The following FMO1 variants were observed in gnomAD, a reference collection of about 807,000 sequenced individuals.
FMO1 encodes flavin-containing monooxygenase 1.
FMO1 carries 36 observed loss-of-function variants against 45.4 expected under a neutral mutation model. The observed-to-expected ratio is 0.79, with a 90% CI of 0.61 to 1.05. The LOEUF is 1.05. FMO1 is among the 50% of genes least tolerant of loss of function. The pLI, the probability that FMO1 is intolerant of heterozygous loss-of-function variation, is 0.00. For missense variants in FMO1, 615 were observed against 640.3 expected, an observed-to-expected ratio of 0.96 and a Z score of 0.43; for synonymous variants, 228 against 227.2, an observed-to-expected ratio of 1.00 and a Z score of -0.03.
chr1:171,267,615 T>A lies in FMO1; in HGVS notation c.205T>A (p.Tyr69Asn). 6.2e-7 allele frequency: 1 copy of A among 1,613,992 alleles called. No homozygotes were observed. The highest frequency in any genetic ancestry group is 1.1e-5 in the South Asian group (1 of 91,072). Residue 69 changes from tyrosine (Y) to asparagine (N), a missense_variant, in exon 3 of 9, where the codon TAC becomes AAC. Tyr to Asn is a moderately radical substitution (Grantham distance 143, BLOSUM62 -2). Coordinates refer to ENST00000617670, the MANE Select transcript of FMO1 (RefSeq NM_001282693.2). ...VSNSCKEMSC[Y>N]SDFPFPEDYP... ...CAACAGCTGCAAGGAGATGTCTTGTTACTCAGACTTTCCATTCCCAGAAGA... is the reference window on the plus strand; with the variant it reads ...CAACAGCTGCAAGGAGATGTCTTGTAACTCAGACTTTCCATTCCCAGAAGA...
intron 3 of FMO1, chr1:171,270,807 T>C (rs1402699354): frequency 5.2e-6 from 4 of 773,590 alleles, no homozygotes; most frequent in Non-Finnish European, 1.9e-6. Flanking sequence ...CGGTAGTGTG[T>C]TAACTTTATA....
chr1:171,279,213 G>T (rs1228755798), intron 5 of FMO1, among the ~76,000 whole-genome samples: 1 of 149,532 alleles, frequency 6.7e-6, no homozygotes, highest in Non-Finnish European at 1.5e-5. Context: ...TCTCCCATTT[G>T]CCCATTCCTC....
At chr1:171,278,941 C>T in intron 5 of FMO1, 70 bp downstream of exon 5, 1 of 1,227,028 alleles carries the variant, frequency 8.1e-7, no homozygotes, top group East Asian at 2.5e-5. Flanking sequence ...TGGTGTTTGA[C>T]ACCATGATAA....
chr1:171,261,399 A>T (rs1403772136), intron 2 of FMO1, among the ~76,000 whole-genome samples: 3 of 152,164 alleles, frequency 2.0e-5, no homozygotes, highest in Non-Finnish European at 4.4e-5. Context: ...AACCTGTAAA[A>T]TCAAAAACCC....
rs1232791987 is a variant in FMO1, at chr1:171,283,182, G to A, written c.1222G>A (p.Glu408Lys). The A allele has an allele frequency of 2.6e-6, 4 of 1,510,210 alleles. No individual in the cohort carries two copies. Among genetic ancestry groups the A allele is most frequent in the African/African-American group, 2.9e-5 (2 of 68,684 alleles). The allele number at this position is 1,510,210 out of a possible 1,614,324, so 93.6% of individuals were successfully genotyped here. A position where few individuals can be genotyped will look rare whatever the true frequency, so the allele number is the denominator to read the frequency against. Residue 408 changes from glutamate to lysine, a missense_variant, in exon 8 of 9, where the codon GAA (glutamate) becomes AAA (lysine). Glu to Lys is a moderately conservative substitution (Grantham distance 56). Transcript: ENST00000617670. ...ACCACCACCAAGTGTCATGATAGAGGAAATTAATGCAAGGAAAGAAAACAA... is the reference window on the plus strand; with the variant it reads ...ACCACCACCAAGTGTCATGATAGAGAAAATTAATGCAAGGAAAGAAAACAA... ...KLPPPSVMIEEINARKENKPS... is the reference protein window; with the variant it reads ...KLPPPSVMIEKINARKENKPS...
At chr1:171,273,891 T>C (rs549162954) in intron 3 of FMO1, among the ~76,000 whole-genome samples, 3 of 152,204 alleles carry the variant, frequency 2.0e-5, no homozygotes, top group African/African-American at 7.2e-5. Context: ...CAAGGCCAGG[T>C]GCAGTGGCCC....
In FMO1 at chr1:171,271,194, C is replaced by T; in HGVS notation, c.321+3463C>T. The T allele has an allele frequency of 3.5e-6, 3 of 861,762 alleles. No homozygotes were observed. In the Admixed American group the frequency reaches 5.5e-5, roughly 16 times the overall value. 53.4% of individuals were successfully genotyped at this position (861,762 alleles called of 1,614,324 possible). A position where few individuals can be genotyped will look rare whatever the true frequency, so the allele number is the denominator to read the frequency against. On this transcript the variant is annotated intron_variant, in intron 3 of 8. Transcript: ENST00000617670. ...TGTCTTCTGCAGCAGTGTTATTCCA[C>T]ATCTCTCCCAGTTTCTTCACGACAT...
In FMO1 at chr1:171,278,742, TA is replaced by T; in HGVS notation, c.501del (p.Gly168AlafsTer22). 1 of 1,606,832 alleles carries T rather than the reference TA, an allele frequency of 6.2e-7. No individual in the cohort carries two copies. On this transcript the variant is annotated frameshift_variant, in exon 5 of 9. Transcript: ENST00000617670. LOFTEE classifies it high-confidence loss of function. Reference protein sequence around the residue: ...LDSFPGINAFKGQYFHSRQYK... With the variant: ...LDSFPGINAFXGQYFHSRQYK... ...TATTTTCTATAGGTATTAATGCCTT[TA>T]AAGGCCAGTACTTTCATAGCCGGCA... is the stretch of plus-strand genomic sequence containing the variant.
At chr1:171,258,824 C>T (rs1188313550) in intron 2 of FMO1, among the ~76,000 whole-genome samples, 3 of 151,800 alleles carry the variant, frequency 2.0e-5, no homozygotes, top group African/African-American at 7.3e-5. Flanking sequence ...AGCAGGGTTA[C>T]TGCCTGGATC....
rs1571333910 is a variant in FMO1 at position 171,260,951 on chromosome 1, T to A, written c.132+2732T>A. 3.7e-5 allele frequency among the ~76,000 whole-genome samples: 5 copies of A among 136,320 alleles called. No individual in the cohort carries two copies. In the South Asian group the frequency reaches 1.2e-3, roughly 32 times the overall value. The allele number at this position is 136,320 out of a possible 152,430, so 89.4% of individuals were successfully genotyped here. ...AAAAAAAAAAGAATATTGTGGAGAATGCAATAGGACATCAAAAAGATTAGT... is the reference window on the plus strand; with the variant it reads ...AAAAAAAAAAGAATATTGTGGAGAAAGCAATAGGACATCAAAAAGATTAGT... On this transcript the variant is annotated intron_variant, in intron 2 of 8. Coordinates refer to ENST00000617670, the MANE Select transcript of FMO1 (RefSeq NM_001282693.2).
At chr1:171,283,540 A>G (rs1374185462) in intron 8 of FMO1, among the ~76,000 whole-genome samples, 1 of 152,150 alleles carries the variant, frequency 6.6e-6, no homozygotes, top group Non-Finnish European at 1.5e-5. Flanking sequence ...TACCAGGTAC[A>G]TTATTCCATA....
At position 171,266,957 on chromosome 1, in the gene FMO1, A is replaced by G. The variant is rs961204305; in HGVS notation, c.133-586A>G. ...GGGAAATTTGTTAGTGCTTTGCCACACACAGTTGTCCAATCTGGAAACCTT... is the reference window on the plus strand; with the variant it reads ...GGGAAATTTGTTAGTGCTTTGCCACGCACAGTTGTCCAATCTGGAAACCTT... On this transcript the variant is annotated intron_variant, in intron 2 of 8. Coordinates refer to ENST00000617670, the MANE Select transcript of FMO1 (RefSeq NM_001282693.2). Among the ~76,000 whole-genome samples the G allele has an allele frequency of 1.5e-4, 23 of 152,360 alleles. 1 individual carries two copies. Among genetic ancestry groups the G allele is most frequent in the Middle Eastern group, 6.8e-3 (2 of 292 alleles).
chr1:171,283,415 G>A (rs1049525892), intron 8 of FMO1, among the ~76,000 whole-genome samples, 199 bp downstream of exon 8: 1 of 151,926 alleles, frequency 6.6e-6, no homozygotes, highest in Non-Finnish European at 1.5e-5. Context: ...AAGAGAGAAG[G>A]GAAAGGGGAA....
chr1:171,257,725 T>C, intron 1 of FMO1: 1 of 274,192 alleles, frequency 3.6e-6, no homozygotes, highest in Non-Finnish European at 7.1e-6. Context: ...CCTAGTCTGC[T>C]GATCTATGCA....
chr1:171,249,288 T>C (rs1379959671), intron 1 of FMO1, among the ~76,000 whole-genome samples: 4 of 152,192 alleles, frequency 2.6e-5, no homozygotes, highest in African/African-American at 4.8e-5. Flanking sequence ...TTCAGGTCTA[T>C]GCCATCTGTT....
chr1:171,271,056 A>G (rs1046829999), intron 3 of FMO1: 5 of 1,010,906 alleles, frequency 4.9e-6, no homozygotes, highest in African/African-American at 4.8e-5. Flanking sequence ...TGCTTTTTTC[A>G]GCCTTGATAA....
Position 171,258,140 on chromosome 1 carries a change from T to A in FMO1, c.53T>A (p.Ile18Asn). The change falls in exon 2 of 9, where the codon ATC (isoleucine) becomes AAC (asparagine). Residue 18 changes from isoleucine to asparagine, a missense_variant. Ile to Asn is a moderately radical substitution (Grantham distance 149). Transcript: ENST00000617670. ...VGAGVSGLAS[I>N]KCCLEEGLEP... ...GCTGGGGTCAGCGGCCTGGCCTCCA[T>A]CAAGTGCTGTCTGGAAGAAGGACTG... The A allele has an allele frequency of 1.2e-6, 2 of 1,614,090 alleles. No individual in the cohort carries two copies. The highest frequency in any genetic ancestry group is 2.2e-5 in the South Asian group (2 of 91,084).
At chr1:171,261,839 A>G (rs770191461) in intron 2 of FMO1, among the ~76,000 whole-genome samples, 1 of 152,216 alleles carries the variant, frequency 6.6e-6, no homozygotes, top group Non-Finnish European at 1.5e-5. Flanking sequence ...GAAAAGAGAG[A>G]TAAGGCAGGA....
At chr1:171,257,597 C>T (rs1191623432) in intron 1 of FMO1, 1 of 183,600 alleles carries the variant, frequency 5.4e-6, no homozygotes, top group African/African-American at 2.4e-5. Flanking sequence ...GGTGTGGTGG[C>T]TCCTGGTCCC....
Sources: gnomAD v4.1 joint callset for allele counts (sites outside exome capture counted in the v4.1 genomes callset) on GRCh38, gnomAD v4.1.1 for gene constraint, MANE v1.5 for transcripts, NCBI Gene and HGNC (gene_info 2026-07-23, HGNC 2026-07-21) for gene names.